BCAS3: variants seen among roughly 807,000 people sequenced by gnomAD.
BCAS3 encodes the protein BCAS4/BCAS3 fusion.
A neutral mutation model predicts 116.1 loss-of-function variants in BCAS3; 53 were observed. The ratio of observed to expected loss-of-function variants is 0.46; its 90% CI spans 0.37 to 0.57. The LOEUF is 0.57. Among genes scored for constraint, BCAS3 ranks in the 20% least tolerant of loss-of-function variants. The pLI is 0.00. For synonymous variants in BCAS3, 391 were observed against 408.2 expected, an observed-to-expected ratio of 0.96 and a Z score of 0.51; for missense variants, 917 against 1,165.4, an observed-to-expected ratio of 0.79 and a Z score of 3.10.
At chr17:60,695,779 T>C (rs1244223447) in intron 4 of BCAS3, among the ~76,000 whole-genome samples, 1 of 152,018 alleles carries the variant, frequency 6.6e-6, no homozygotes, top group Non-Finnish European at 1.5e-5. Flanking sequence ...TTAAATTTTT[T>C]GTAGAGATGA....
chr17:60,715,226 G>A (rs150444998), intron 5 of BCAS3, among the ~76,000 whole-genome samples: 1,578 of 148,170 alleles, frequency 0.011, 19 homozygotes, highest in African/African-American at 0.034. Flanking sequence ...CTCCACCTCT[G>A]GGGTTCAAGT....
chr17:60,892,816 G>A (rs1437432345), intron 10 of BCAS3, among the ~76,000 whole-genome samples: 3 of 152,036 alleles, frequency 2.0e-5, no homozygotes, highest in Non-Finnish European at 4.4e-5. Flanking sequence ...CAGCTACTCG[G>A]GAGGCTGAGG....
intron 5 of BCAS3, among the ~76,000 whole-genome samples, chr17:60,728,214 T>G (rs1292864547): frequency 6.6e-6 from 1 of 152,178 alleles, no homozygotes; most frequent in Admixed American, 6.5e-5. Context: ...ACACATCCTC[T>G]GTTCTCTATC....
rs75320133 is a variant in BCAS3 at position 61,352,035 on chromosome 17, C to T, written c.2426-16292C>T. Among the ~76,000 whole-genome samples, 571 of 152,286 alleles carry T rather than the reference C, an allele frequency of 3.7e-3. 4 individuals are homozygous for T. The highest frequency in any genetic ancestry group is 0.013 in the African/African-American group (542 of 41,536). ...ACAAACACTGCTTTTACTTCTTTACCTATTTTTTTCCCCAATCTGAGGGAT... is the reference window on the plus strand; with the variant it reads ...ACAAACACTGCTTTTACTTCTTTACTTATTTTTTTCCCCAATCTGAGGGAT... On this transcript the variant is annotated intron_variant, in intron 22 of 23. Coordinates refer to ENST00000407086, the MANE Select transcript of BCAS3 (RefSeq NM_017679.5). This position sits in a 1 kb window ranked among gnomAD's most constrained non-coding sequence, Gnocchi z 4.7.
chr17:60,990,242 TTC>T lies in BCAS3; in HGVS notation c.1486+11_1486+12del, dbSNP rs2063438554. The T allele has an allele frequency of 2.5e-6, 4 of 1,611,444 alleles. No individual in the cohort carries two copies. Among genetic ancestry groups the T allele is most frequent in the Non-Finnish European group, 3.4e-6 (4 of 1,177,938 alleles). On this transcript the variant is annotated splice_region_variant and intron_variant, in intron 15 of 23. Transcript: ENST00000407086. This position sits in a 1 kb window ranked among gnomAD's most constrained non-coding sequence, Gnocchi z 5.1. ...TCTGGGTCACCCTTGCATGGTAATTTTCTCTGTCTCCACTGTTATCTTGAATC... is the reference window on the plus strand; with the variant it reads ...TCTGGGTCACCCTTGCATGGTAATTTTCTGTCTCCACTGTTATCTTGAATC...
At chr17:60,818,101 C>T (rs957270104) in intron 7 of BCAS3, among the ~76,000 whole-genome samples, 7 of 152,062 alleles carry the variant, frequency 4.6e-5, no homozygotes, top group East Asian at 3.9e-4. Flanking sequence ...GTGATCCATC[C>T]GCCTTGGCCT....
At chr17:61,113,937 C>A (rs1375323995) in intron 22 of BCAS3, among the ~76,000 whole-genome samples, 1 of 120,680 alleles carries the variant, frequency 8.3e-6, no homozygotes, top group Non-Finnish European at 1.7e-5. Context: ...GTTCAATATA[C>A]GCAAATCAAT....
At chr17:60,771,547 G>A (rs886652150) in intron 6 of BCAS3, among the ~76,000 whole-genome samples, 1 of 133,728 alleles carries the variant, frequency 7.5e-6, no homozygotes, top group African/African-American at 4.1e-5. Context: ...GATTAGTGAC[G>A]GGTATCTTTT....
At chr17:60,925,901 G>A (rs536624631) in intron 13 of BCAS3, among the ~76,000 whole-genome samples, 4 of 151,752 alleles carry the variant, frequency 2.6e-5, no homozygotes, top group East Asian at 1.9e-4. Flanking sequence ...TTATCTTGGC[G>A]GTGGGACCCA....
chr17:60,965,041 C>T (rs1214852912), intron 14 of BCAS3, among the ~76,000 whole-genome samples: 4 of 151,876 alleles, frequency 2.6e-5, no homozygotes, highest in Non-Finnish European at 5.9e-5. Flanking sequence ...TTAGTTCCTG[C>T]TCTGATCTTT....
chr17:61,295,265 G>A (rs561701663), intron 22 of BCAS3, among the ~76,000 whole-genome samples: 1 of 152,328 alleles, frequency 6.6e-6, no homozygotes, highest in Non-Finnish European at 1.5e-5. Context: ...GGGCAGCAAC[G>A]CTTTTCATCC....
At chr17:60,859,131 A>G (rs1373734943) in intron 7 of BCAS3, among the ~76,000 whole-genome samples, 1 of 152,182 alleles carries the variant, frequency 6.6e-6, no homozygotes, top group African/African-American at 2.4e-5. Flanking sequence ...GATACAGAAA[A>G]TAAACATATG....
chr17:61,291,761 G>C (rs979755863), intron 22 of BCAS3, among the ~76,000 whole-genome samples: 16 of 152,170 alleles, frequency 1.1e-4, no homozygotes, highest in Admixed American at 2.0e-4. Flanking sequence ...GCTGGAAATG[G>C]ATTTGGAGTT....
intron 22 of BCAS3, among the ~76,000 whole-genome samples, chr17:61,322,058 C>T (rs562097844): frequency 2.6e-5 from 4 of 152,098 alleles, no homozygotes; most frequent in East Asian, 1.9e-4. Flanking sequence ...CTCAGCCTCC[C>T]GAGTAGCTGG....
chr17:61,016,095 C>G (rs2065436429), intron 16 of BCAS3, among the ~76,000 whole-genome samples, 194 bp downstream of exon 16: 1 of 152,176 alleles, frequency 6.6e-6, no homozygotes, highest in South Asian at 2.1e-4. Flanking sequence ...TGTATACACA[C>G]ATTCATCGAG....
At chr17:60,803,796 ATTTTTTT>A (rs11384999) in intron 6 of BCAS3, among the ~76,000 whole-genome samples, 8 of 89,310 alleles carry the variant, frequency 9.0e-5, no homozygotes, top group South Asian at 4.1e-4. Context: ...AACTATTACG[ATTTTTTT>A]TTTTTTTTTT....
intron 6 of BCAS3, among the ~76,000 whole-genome samples, chr17:60,802,114 C>A (rs553645957): frequency 1.3e-5 from 2 of 151,500 alleles, no homozygotes; most frequent in South Asian, 4.2e-4. Flanking sequence ...TTGAGACCAG[C>A]CTCTACTAAA....
At chr17:61,061,933 G>T (rs2070091873) in intron 19 of BCAS3, among the ~76,000 whole-genome samples, 1 of 152,152 alleles carries the variant, frequency 6.6e-6, no homozygotes. Context: ...CAGATACGGA[G>T]ACATTATGCA....
chr17:61,000,475 GA>G (rs2064160255), intron 15 of BCAS3, among the ~76,000 whole-genome samples: 1 of 151,692 alleles, frequency 6.6e-6, no homozygotes, highest in Non-Finnish European at 1.5e-5. Flanking sequence ...TGTAAAATTG[GA>G]ATAATAATAT....
Sources: allele counts gnomAD v4.1 joint callset (sites outside exome capture counted in the v4.1 genomes callset), GRCh38; gene constraint gnomAD v4.1.1; non-coding constraint Gnocchi (gnomAD v3.1); transcripts MANE v1.5; gene names NCBI Gene and HGNC (gene_info 2026-07-23, HGNC 2026-07-21).